Variants in PCDH11X observed in about 807,000 individuals in gnomAD.
PCDH11X encodes protocadherin 11 X-linked, also known as protocadherin-11 X-linked.
Under a neutral mutation model 53.3 loss-of-function variants are expected in PCDH11X, and 18 were observed. The observed-to-expected ratio is 0.34, with a 90% CI of 0.23 to 0.50. PCDH11X has a LOEUF of 0.50. Among genes scored for constraint, PCDH11X ranks in the 20% least tolerant of loss-of-function variants. The pLI is 0.98. For missense variants in PCDH11X, 570 were observed against 1,032.4 expected, an observed-to-expected ratio of 0.55 and a Z score of 6.14; for synonymous variants, 279 against 393.3, an observed-to-expected ratio of 0.71 and a Z score of 3.44.
chrX:92,311,065 A>G (rs111950715), intron 8 of PCDH11X, among the ~76,000 whole-genome samples: 1,996 of 111,913 alleles, frequency 0.018, 33 homozygotes, highest in African/African-American at 0.062. Context: ...TCTAATTTCT[A>G]TTAGATGAGA....
At chrX:92,287,453 C>T (rs1265519729) in intron 8 of PCDH11X, among the ~76,000 whole-genome samples, 1 of 110,957 alleles carries the variant, frequency 9.0e-6, no homozygotes, top group Non-Finnish European at 1.9e-5. Flanking sequence ...TTTTCTGTTC[C>T]TGTGTTAGCT....
chrX:91,916,730 C>T (rs1052014752), intron 6 of PCDH11X, among the ~76,000 whole-genome samples: 6 of 110,067 alleles, frequency 5.5e-5, no homozygotes, highest in South Asian at 3.9e-4. Context: ...TGAATCCTAT[C>T]GGACATTCAA....
chrX:92,047,656 GT>G (rs2063309471), intron 6 of PCDH11X, among the ~76,000 whole-genome samples: 1 of 110,758 alleles, frequency 9.0e-6, no homozygotes, highest in Non-Finnish European at 1.9e-5. Flanking sequence ...ATTTTTTGTT[GT>G]TGTTGTTTCT....
intron 6 of PCDH11X, among the ~76,000 whole-genome samples, chrX:92,149,866 C>T (rs1376525199): frequency 1.8e-5 from 2 of 110,919 alleles, no homozygotes; most frequent in Non-Finnish European, 3.8e-5. Flanking sequence ...TTTTTTGGTA[C>T]GTGGCTTCTT....
intron 6 of PCDH11X, among the ~76,000 whole-genome samples, chrX:91,944,018 C>CTGGAT (rs67016332): frequency 8.9e-5 from 7 of 78,727 alleles, no homozygotes; most frequent in Non-Finnish European, 1.7e-4. Flanking sequence ...GCTGTATCTC[C>CTGGAT]TGGATTGTGT....
At chrX:92,280,986 C>T (rs1029744183) in intron 8 of PCDH11X, among the ~76,000 whole-genome samples, 1 of 111,100 alleles carries the variant, frequency 9.0e-6, no homozygotes, top group African/African-American at 3.3e-5. Flanking sequence ...GTTCCCTCTA[C>T]AGTATTCTAA....
At chrX:91,845,103 C>T (rs1338566290) in intron 5 of PCDH11X, among the ~76,000 whole-genome samples, 2 of 111,208 alleles carry the variant, frequency 1.8e-5, no homozygotes, top group Admixed American at 9.6e-5. Context: ...TTTTAGATTG[C>T]GTATAGATAT....
intron 7 of PCDH11X, among the ~76,000 whole-genome samples, chrX:92,240,003 C>T (rs1434473210): frequency 2.7e-5 from 3 of 111,791 alleles, no homozygotes; most frequent in Non-Finnish European, 5.6e-5. Flanking sequence ...TTATTTGTTT[C>T]TAATGCTAGT....
At chrX:92,395,944 T>C (rs1603299454) in intron 9 of PCDH11X, among the ~76,000 whole-genome samples, 1 of 94,088 alleles carries the variant, frequency 1.1e-5, no homozygotes. Context: ...GATGAGGCCC[T>C]TTTTTTTTTT....
intron 8 of PCDH11X, among the ~76,000 whole-genome samples, chrX:92,306,301 A>G (rs1264541048): frequency 2.8e-5 from 3 of 105,363 alleles, no homozygotes; most frequent in South Asian, 8.8e-4. Context: ...TCTCAAATCA[A>G]CAACCTAGCT....
intron 6 of PCDH11X, chrX:91,879,912 G>T: frequency 1.4e-6 from 1 of 708,830 alleles, no homozygotes. Context: ...TTAAGCCAGA[G>T]AATGAAATAT....
intron 6 of PCDH11X, among the ~76,000 whole-genome samples, chrX:91,926,113 CAT>C (rs1252518401): frequency 4.5e-5 from 4 of 88,494 alleles, no homozygotes; most frequent in African/African-American, 4.8e-5. Flanking sequence ...CACACACACA[CAT>C]ATATATATAG....
chrX:92,392,168 C>T (rs1282556651), intron 9 of PCDH11X, among the ~76,000 whole-genome samples: 2 of 110,510 alleles, frequency 1.8e-5, no homozygotes, highest in Non-Finnish European at 3.8e-5. Flanking sequence ...TTCATCTTCC[C>T]CCAAAAAAGT....
At chrX:92,389,957 T>C (rs954725598) in intron 9 of PCDH11X, among the ~76,000 whole-genome samples, 1 of 109,872 alleles carries the variant, frequency 9.1e-6, no homozygotes, top group Non-Finnish European at 1.9e-5. Context: ...GATGAAGGAC[T>C]CACAAAATTT....
intron 8 of PCDH11X, among the ~76,000 whole-genome samples, chrX:92,375,430 G>A (rs1360791595): frequency 3.0e-5 from 3 of 99,501 alleles, no homozygotes; most frequent in Non-Finnish European, 6.1e-5. Flanking sequence ...CACCCTCCTC[G>A]GCCTCCCAAA....
intron 6 of PCDH11X, among the ~76,000 whole-genome samples, chrX:91,909,479 G>A (rs1941302875): frequency 9.2e-6 from 1 of 108,682 alleles, no homozygotes; most frequent in Non-Finnish European, 1.9e-5. Flanking sequence ...GGCATCTTCT[G>A]TGTTGAAAGG....
At chrX:92,573,755 T>C (rs1922486042) in intron 10 of PCDH11X, among the ~76,000 whole-genome samples, 4 of 108,323 alleles carry the variant, frequency 3.7e-5, no homozygotes, top group African/African-American at 1.0e-4. Context: ...GAAAATACTA[T>C]AGGCTTTTCA....
intron 9 of PCDH11X, among the ~76,000 whole-genome samples, chrX:92,435,256 A>G (rs1336379364): frequency 9.0e-6 from 1 of 111,330 alleles, no homozygotes; most frequent in Non-Finnish European, 1.9e-5. Context: ...ATAAAAAGGA[A>G]TGGACAAAAT....
rs187803900 is a variant in PCDH11X at position 92,446,206 on chromosome X, T to C, written c.3344-22093T>C. ...GAGTATCAACCAATATTTTAAATGA[T>C]TCTATATCATGTGCAGCCTCTTTCC... is the stretch of plus-strand genomic sequence containing the variant. On this transcript the variant is annotated intron_variant, in intron 9 of 10. Coordinates refer to ENST00000682573, the MANE Select transcript of PCDH11X (RefSeq NM_032968.5). Among the ~76,000 whole-genome samples, 103 of 110,561 alleles carry C rather than the reference T, an allele frequency of 9.3e-4. 2 individuals carry two copies. Among genetic ancestry groups the C allele is most frequent in the African/African-American group, 3.4e-3 (103 of 30,462 alleles).
Sources: gnomAD v4.1 joint callset for allele counts (sites outside exome capture counted in the v4.1 genomes callset) on GRCh38, gnomAD v4.1.1 for gene constraint, MANE v1.5 for transcripts, NCBI Gene and HGNC (gene_info 2026-07-23, HGNC 2026-07-21) for gene names.